ZFP30: variants seen among roughly 807,000 people sequenced by gnomAD.
ZFP30 encodes the protein zinc finger protein 30 homolog.
Under a neutral mutation model 12.3 loss-of-function variants are expected in ZFP30, and 16 were observed. The observed-to-expected ratio is 1.30, with a 90% CI of 0.88 to 1.98. The LOEUF is 1.98. Among genes scored for constraint, ZFP30 ranks in the 30% most tolerant of loss-of-function variants. ZFP30 has a pLI of 0.00. For missense variants in ZFP30, 560 were observed against 611.2 expected (o/e 0.92, Z 0.88); for synonymous variants, 172 against 201.0 (o/e 0.86, Z 1.22).
At position 37,643,258 on chromosome 19, in the gene ZFP30, C is replaced by T; in HGVS notation, c.235+7G>A. On this transcript the variant is annotated splice_region_variant and intron_variant, in intron 5 of 5. Transcript: ENST00000684514. ...TAATGGCTGACCTCTGCCTGATCAG[C>T]ACTTACCTAGAGTCCATCTTCTTTT... is the stretch of plus-strand genomic sequence containing the variant. 6.2e-7 allele frequency: 1 copy of T among 1,610,216 alleles called. No homozygotes were observed. Among genetic ancestry groups the T allele is most frequent in the Non-Finnish European group, 8.5e-7 (1 of 1,178,408 alleles).
At chr19:37,644,562 C>T in intron 4 of ZFP30, 48 bp downstream of exon 4, 1 of 1,479,398 alleles carries the variant, frequency 6.8e-7, no homozygotes, top group South Asian at 1.4e-5. Context: ...CCCAGAAATT[C>T]AGTCCTGTGA....
intron 5 of ZFP30, among the ~76,000 whole-genome samples, 186 bp from the exon 6 acceptor site, chr19:37,636,491 G>T (rs1194932190): frequency 6.6e-6 from 1 of 151,828 alleles, no homozygotes; most frequent in Non-Finnish European, 1.5e-5. Flanking sequence ...AGAAAATGAT[G>T]AGTTAAGACC....
chr19:37,643,844 C>T (rs543725328), intron 4 of ZFP30, among the ~76,000 whole-genome samples: 1 of 151,980 alleles, frequency 6.6e-6, no homozygotes, highest in Non-Finnish European at 1.5e-5. Context: ...AATGCAAATT[C>T]ATGTATTTTA....
At chr19:37,649,178 A>G (rs2044600602) in intron 2 of ZFP30, among the ~76,000 whole-genome samples, 2 of 151,448 alleles carry the variant, frequency 1.3e-5, no homozygotes, top group African/African-American at 4.9e-5. Flanking sequence ...CCAGGAGTTC[A>G]GGGCTGCAGT....
intron 1 of ZFP30, 107 bp from the exon 2 acceptor site, chr19:37,654,986 GA>G (rs1321274808): frequency 6.6e-6 from 1 of 152,206 alleles, no homozygotes; most frequent in African/African-American, 2.4e-5. Flanking sequence ...CCACGCCCGG[GA>G]CCACCCACTG....
In ZFP30 at chr19:37,644,704, G is replaced by A. The variant is rs750866259; in HGVS notation, c.42C>T (p.Asp14=). The change falls in exon 4 of 6, where the codon GAC becomes GAT. Residue 14 remains aspartate (D), a synonymous_variant. Transcript: ENST00000684514. ...GGCATTCCCATTCTTCCTGAGAAAA[G>A]TCTACAGCCACATCTCTGAACATCA... ...DLVMFRDVAV[D]FSQEEWECLN... The A allele has an allele frequency of 5.0e-6, 8 of 1,613,376 alleles. No individual in the cohort carries two copies. Among genetic ancestry groups the A allele is most frequent in the African/African-American group, 1.3e-5 (1 of 74,872 alleles).
chr19:37,654,905 G>T (rs2044721235), intron 1 of ZFP30, 26 bp from the exon 2 acceptor site: 2 of 152,246 alleles, frequency 1.3e-5, no homozygotes. Flanking sequence ...GAAACGACAG[G>T]GCAGAGGGTC....
In ZFP30 at chr19:37,635,173, A is replaced by T; in HGVS notation, c.1368T>A (p.His456Gln). 1 of 1,612,150 alleles carries T rather than the reference A, an allele frequency of 6.2e-7. No homozygotes were observed. Among genetic ancestry groups the T allele is most frequent in the Non-Finnish European group, 8.5e-7 (1 of 1,178,906 alleles). ...GCTTTTCACCAGTATGAATACTTTG[A>T]TGTTGGGTAAGTTGTGAAAGCAGTC... ...TFRLLSQLTQ[H>Q]QSIHTGEKPY... Residue 456 changes from histidine (H) to glutamine (Q), a missense_variant, in exon 6 of 6, where the codon CAT becomes CAA. Coordinates refer to ENST00000684514, the MANE Select transcript of ZFP30 (RefSeq NM_001320669.3).
chr19:37,644,457 C>G (rs1473310598), intron 4 of ZFP30, 153 bp downstream of exon 4: 2 of 699,576 alleles, frequency 2.9e-6, no homozygotes, highest in Non-Finnish European at 4.4e-6. Flanking sequence ...TCGCTTGAAC[C>G]CAGGAGGTAG....
chr19:37,649,535 T>C (rs1352642744), intron 2 of ZFP30, among the ~76,000 whole-genome samples: 1 of 151,868 alleles, frequency 6.6e-6, no homozygotes, highest in Non-Finnish European at 1.5e-5. Context: ...ATTCACACAA[T>C]GGAAAATTAA....
At chr19:37,645,315 A>C (rs2044521417) in intron 3 of ZFP30, among the ~76,000 whole-genome samples, 2 of 152,170 alleles carry the variant, frequency 1.3e-5, no homozygotes, top group Admixed American at 1.3e-4. Flanking sequence ...TGATGTGGGA[A>C]GGTGGCAATA....
chr19:37,648,932 A>G (rs1305899813), intron 2 of ZFP30, among the ~76,000 whole-genome samples: 1 of 152,160 alleles, frequency 6.6e-6, no homozygotes, highest in Non-Finnish European at 1.5e-5. Context: ...CTGAGTGTGG[A>G]TAATGTTCTA....
Position 37,647,864 on chromosome 19 carries a change from C to T in ZFP30, c.-42G>A. The T allele has an allele frequency of 1.2e-6, 2 of 1,613,134 alleles. No homozygotes were observed. Among genetic ancestry groups the T allele is most frequent in the South Asian group, 1.1e-5 (1 of 91,048 alleles). On this transcript the variant is annotated 5_prime_UTR_variant, in exon 3 of 6. The change abolishes an upstream ATG in the 5' untranslated region. Transcript: ENST00000684514. ...GAACTGGTCAATTTTCCTCAAGGTT[C>T]ATGTACTTCAGAAGCAGGGTCCACA... is the stretch of plus-strand genomic sequence containing the variant.
intron 2 of ZFP30, chr19:37,651,413 A>G (rs921105781): frequency 6.6e-6 from 1 of 151,980 alleles, no homozygotes. Flanking sequence ...CATCTCTACT[A>G]AAAATACAAA....
At chr19:37,645,054 A>AC (rs2044514371) in intron 3 of ZFP30, among the ~76,000 whole-genome samples, 2 of 151,988 alleles carry the variant, frequency 1.3e-5, no homozygotes, top group South Asian at 4.2e-4. Context: ...AAATATAAAA[A>AC]ATTAGCCAGG....
intron 2 of ZFP30, among the ~76,000 whole-genome samples, chr19:37,653,297 T>A (rs1335942943): frequency 6.6e-6 from 1 of 152,120 alleles, no homozygotes; most frequent in Non-Finnish European, 1.5e-5. Context: ...TTCATGTCAT[T>A]TCCAAAGTGA....
rs1427703965 is a variant in ZFP30, at chr19:37,644,654, T to C, written c.92A>G (p.Tyr31Cys). ...ATAGTTCTCTAATATCACATCTCTG[T>C]ACAAATTCCTCTGATATGAGTTCAG... ...ECLNSYQRNL[Y>C]RDVILENYSN... Residue 31 changes from tyrosine (Y) to cysteine (C), a missense_variant, in exon 4 of 6, where the codon TAC (tyrosine) becomes TGC (cysteine). Transcript: ENST00000684514. The C allele has an allele frequency of 1.2e-6, 2 of 1,613,020 alleles. No homozygotes were observed. The highest frequency in any genetic ancestry group is 2.7e-5 in the African/African-American group (2 of 74,884).
At chr19:37,641,132 C>A (rs1485045132) in intron 5 of ZFP30, among the ~76,000 whole-genome samples, 1 of 152,214 alleles carries the variant, frequency 6.6e-6, no homozygotes, top group East Asian at 1.9e-4. Flanking sequence ...TCCAATCAAT[C>A]TATGTCTGAA....
At chr19:37,652,468 T>C (rs1439453471) in intron 2 of ZFP30, among the ~76,000 whole-genome samples, 3 of 152,080 alleles carry the variant, frequency 2.0e-5, no homozygotes, top group Non-Finnish European at 2.9e-5. Context: ...CTTGGGAGAC[T>C]GAGGCAGGAG....
Sources: allele counts gnomAD v4.1 joint callset (sites outside exome capture counted in the v4.1 genomes callset), GRCh38; gene constraint gnomAD v4.1.1; transcripts MANE v1.5; gene names NCBI Gene and HGNC (gene_info 2026-07-23, HGNC 2026-07-21).